EYA2: variants seen among roughly 807,000 people sequenced by gnomAD.
The protein encoded by EYA2 is protein phosphatase EYA2.
A neutral mutation model predicts 69.2 loss-of-function variants in EYA2; 31 were observed. The ratio of observed to expected loss-of-function variants is 0.45; its 90% CI spans 0.34 to 0.60. EYA2 has a LOEUF of 0.60. EYA2 is among the 20% of genes least tolerant of loss of function. EYA2 has a pLI of 0.02. For synonymous variants in EYA2, 257 were observed against 279.4 expected, an observed-to-expected ratio of 0.92 and a Z score of 0.80; for missense variants, 622 against 701.2, an observed-to-expected ratio of 0.89 and a Z score of 1.28.
intron 4 of EYA2, among the ~76,000 whole-genome samples, chr20:47,014,611 T>C (rs966597653): frequency 6.8e-6 from 1 of 146,914 alleles, no homozygotes; most frequent in African/African-American, 2.6e-5. Context: ...AAAGATAGAC[T>C]TGCACATGTG....
chr20:47,098,266 A>G (rs539321747), intron 9 of EYA2, among the ~76,000 whole-genome samples: 1 of 152,382 alleles, frequency 6.6e-6, no homozygotes, highest in South Asian at 2.1e-4. Flanking sequence ...AAAAGATGGC[A>G]GAGTCAAGAG....
Position 47,188,104 on chromosome 20 carries a change from A to T in EYA2, c.1588A>T (p.Arg530Trp). The change falls in exon 16 of 16, where the codon AGG becomes TGG. Residue 530 changes from arginine (R) to tryptophan (W), a missense_variant. Arg to Trp is a moderately radical substitution (Grantham distance 101, BLOSUM62 -3). Transcript: ENST00000327619. ...ISCHADLEALRHALELEYL is the reference protein window; with the variant it reads ...ISCHADLEALWHALELEYL Reference sequence around the variant, plus strand: ...CTGCCACGCAGACCTGGAGGCACTGAGGCACGCCCTGGAGCTGGAGTATTT... The same window carrying T: ...CTGCCACGCAGACCTGGAGGCACTGTGGCACGCCCTGGAGCTGGAGTATTT... 1.3e-6 allele frequency: 2 copies of T among 1,587,834 alleles called. No homozygotes were observed. The highest frequency in any genetic ancestry group is 1.3e-5 in the African/African-American group (1 of 74,568).
chr20:47,112,118 C>A (rs2868855), intron 9 of EYA2, among the ~76,000 whole-genome samples: 71,878 of 151,988 alleles, frequency 0.47, 20,345 homozygotes, highest in Non-Finnish European at 0.63. Context: ...TCCAGTTTGG[C>A]CAACAGAGCA....
intron 1 of EYA2, among the ~76,000 whole-genome samples, chr20:46,918,489 G>A (rs1042411434): frequency 1.4e-4 from 22 of 151,986 alleles, no homozygotes; most frequent in African/African-American, 5.1e-4. Flanking sequence ...TTTTAGTTTA[G>A]TAGAGACGGG....
intron 7 of EYA2, among the ~76,000 whole-genome samples, chr20:47,082,942 C>A (rs1600695995): frequency 6.6e-6 from 1 of 151,878 alleles, no homozygotes; most frequent in Non-Finnish European, 1.5e-5. Flanking sequence ...GCTTGTAATC[C>A]CAGCACTTTG....
intron 7 of EYA2, among the ~76,000 whole-genome samples, chr20:47,084,834 CTTTTTTTTT>C (rs34290555): frequency 8.9e-6 from 1 of 112,456 alleles, no homozygotes; most frequent in Admixed American, 9.2e-5. Context: ...CTGTTTCTTT[CTTTTTTTTT>C]TTTTTTTTTT....
chr20:47,074,961 A>T (rs2031458671), intron 7 of EYA2, among the ~76,000 whole-genome samples: 1 of 152,192 alleles, frequency 6.6e-6, no homozygotes. Context: ...AAAATACAGA[A>T]ATTAGCCTGA....
chr20:47,184,011 A>G (rs994192999), intron 15 of EYA2, among the ~76,000 whole-genome samples: 1 of 152,144 alleles, frequency 6.6e-6, no homozygotes, highest in Non-Finnish European at 1.5e-5. Context: ...AGCAAATCCC[A>G]AGGAAATGCA....
chr20:47,033,770 G>A (rs1984548004), intron 5 of EYA2, among the ~76,000 whole-genome samples: 1 of 152,228 alleles, frequency 6.6e-6, no homozygotes, highest in South Asian at 2.1e-4. Flanking sequence ...TGGTGCCCTT[G>A]AGTGACTCCA....
At chr20:47,096,986 C>T (rs991138802) in intron 8 of EYA2, 99 bp from the exon 9 acceptor site, 19 of 859,720 alleles carry the variant, frequency 2.2e-5, no homozygotes, top group Middle Eastern at 2.2e-4. Context: ...TAATGTTTTT[C>T]GAGACTTCTT....
At chr20:47,097,059 C>T (rs1222594768) in intron 8 of EYA2, 26 bp from the exon 9 acceptor site, 2 of 1,582,294 alleles carry the variant, frequency 1.3e-6, no homozygotes, top group Admixed American at 1.7e-5. Context: ...CATTTTTCTC[C>T]ATTCTCTTCC....
At chr20:47,151,284 T>A (rs890339151) in intron 10 of EYA2, among the ~76,000 whole-genome samples, 1 of 151,372 alleles carries the variant, frequency 6.6e-6, no homozygotes, top group African/African-American at 2.4e-5. Context: ...GGCAGGAGAA[T>A]CGCTTGAAAC....
chr20:47,162,384 A>G (rs1304131269), intron 10 of EYA2, among the ~76,000 whole-genome samples: 1 of 152,150 alleles, frequency 6.6e-6, no homozygotes, highest in Non-Finnish European at 1.5e-5. Context: ...GGCACATTGA[A>G]AGCTTTTAAT....
intron 9 of EYA2, among the ~76,000 whole-genome samples, chr20:47,099,050 G>T (rs2032349417): frequency 6.6e-6 from 1 of 152,234 alleles, no homozygotes; most frequent in Admixed American, 6.5e-5. Flanking sequence ...GGGAATTCAG[G>T]CAAGGAGGGA....
chr20:47,017,352 C>T (rs1172980820), intron 5 of EYA2, among the ~76,000 whole-genome samples: 1 of 152,098 alleles, frequency 6.6e-6, no homozygotes, highest in Non-Finnish European at 1.5e-5. Context: ...GCTATGTTGC[C>T]CAGACTGGGC....
chr20:47,130,525 A>G (rs2033317190), intron 9 of EYA2, among the ~76,000 whole-genome samples: 1 of 151,694 alleles, frequency 6.6e-6, no homozygotes, highest in Non-Finnish European at 1.5e-5. Flanking sequence ...TCGGCCTCCC[A>G]AAGTGCTGGG....
In EYA2 at chr20:47,174,485, G is replaced by A. The variant is rs369329152; in HGVS notation, c.1198+1618G>A. Among the ~76,000 whole-genome samples the A allele has an allele frequency of 6.6e-5, 10 of 152,198 alleles. No homozygotes were observed. The South Asian group carries it at 1.0e-3, about 16-fold the overall frequency. On this transcript the variant is annotated intron_variant, in intron 12 of 15. Transcript: ENST00000327619. ...CTCAATAAATGGTGGCATTTGTCAC[G>A]AGTTGCTCTCAGTTTTGCTTGGGAG... is the stretch of plus-strand genomic sequence containing the variant.
rs545534551 is a variant in EYA2, at chr20:46,993,729, G to A, written c.109+3610G>A. Among the ~76,000 whole-genome samples the A allele has an allele frequency of 2.6e-5, 4 of 152,316 alleles. No individual in the cohort carries two copies. In the East Asian group the frequency reaches 7.7e-4, roughly 29 times the overall value. ...CACGTTGCATAGTGATGCTTGCTGT[G>A]AAGGAAAAAGGCAGGGGAGGAGCAT... On this transcript the variant is annotated intron_variant, in intron 2 of 15. Coordinates refer to ENST00000327619, the MANE Select transcript of EYA2 (RefSeq NM_005244.5).
At chr20:46,900,391 G>A (rs1180273795) in intron 1 of EYA2, among the ~76,000 whole-genome samples, 1 of 152,080 alleles carries the variant, frequency 6.6e-6, no homozygotes, top group African/African-American at 2.4e-5. Context: ...ACGTGTATTA[G>A]CCAAAAGACA....
Sources: allele counts gnomAD v4.1 joint callset (sites outside exome capture counted in the v4.1 genomes callset), GRCh38; gene constraint gnomAD v4.1.1; transcripts MANE v1.5; gene names NCBI Gene and HGNC (gene_info 2026-07-23, HGNC 2026-07-21).